FYCO1: variants seen among roughly 807,000 people sequenced by gnomAD.
FYCO1 encodes FYVE and coiled-coil domain-containing protein 1.
Under a neutral mutation model 165.1 loss-of-function variants are expected in FYCO1, and 122 were observed. That is an observed-to-expected ratio of 0.74 (90% confidence interval 0.64 to 0.86). The LOEUF (loss-of-function observed/expected upper bound fraction) is 0.86. Ranked by LOEUF, FYCO1 falls within the 40% of genes least tolerant of loss-of-function variation. The probability of loss-of-function intolerance (pLI) is 0.00; values close to 1 mark genes in which losing one functional copy is unlikely to be tolerated. For missense variants in FYCO1, 1,702 were observed against 1,810.3 expected, an observed-to-expected ratio of 0.94 and a Z score of 1.09; for synonymous variants, 648 against 742.5, an observed-to-expected ratio of 0.87 and a Z score of 2.07.
Position 45,921,344 on chromosome 3 carries a change from T to C in FYCO1, c.*421A>G. 3.3e-6 allele frequency: 1 copy of C among 306,318 alleles called. No homozygotes were observed. The highest frequency in any genetic ancestry group is 3.0e-5 in the South Asian group (1 of 32,872). The allele number at this position is 306,318 out of a possible 1,614,324, so 19.0% of individuals were successfully genotyped here. Reference sequence around the variant, plus strand: ...ACAGGGCATGGCCAGTGCACCCAGCTCAGTCTCCAACATGCAGGGCCCTGG... The same window carrying C: ...ACAGGGCATGGCCAGTGCACCCAGCCCAGTCTCCAACATGCAGGGCCCTGG... On this transcript the variant is annotated 3_prime_UTR_variant, in exon 18 of 18. Transcript: ENST00000296137.
Position 45,947,432 on chromosome 3 carries a change from A to G in FYCO1, c.3944+7817T>C, listed in dbSNP as rs775944730. 1.7e-5 allele frequency: 27 copies of G among 1,614,070 alleles called. No individual in the cohort carries two copies. In the East Asian group the frequency reaches 3.1e-4, roughly 19 times the overall value. On this transcript the variant is annotated intron_variant, in intron 14 of 17. Coordinates refer to ENST00000296137, the MANE Select transcript of FYCO1 (RefSeq NM_024513.4). ...TCCCTTACCTTGGGGTCTCACATCAATGGAAATCTTCTGAGGACAATTCCA... is the reference window on the plus strand; with the variant it reads ...TCCCTTACCTTGGGGTCTCACATCAGTGGAAATCTTCTGAGGACAATTCCA...
Position 45,964,596 on chromosome 3 carries a change from T to A in FYCO1, c.3151-142A>T. On this transcript the variant is annotated intron_variant, in intron 9 of 17. Coordinates refer to ENST00000296137, the MANE Select transcript of FYCO1 (RefSeq NM_024513.4). The surrounding 1 kb of genome is among the most constrained non-coding windows in gnomAD (Gnocchi z 4.1). ...GTTTCCTATTAAGTTCAAGAGGCCA[T>A]GAACCTCTGCTCTATATTTGTGGGG... The A allele has an allele frequency of 6.6e-7, 1 of 1,507,968 alleles. No individual in the cohort carries two copies. Among genetic ancestry groups the A allele is most frequent in the Non-Finnish European group, 8.9e-7 (1 of 1,122,570 alleles). The allele number at this position is 1,507,968 out of a possible 1,614,324, so 93.4% of individuals were successfully genotyped here.
intron 13 of FYCO1, among the ~76,000 whole-genome samples, chr3:45,956,869 T>C (rs1705360154): frequency 1.3e-5 from 2 of 151,928 alleles, no homozygotes; most frequent in Non-Finnish European, 2.9e-5. Context: ...ATCACCAGGA[T>C]TTTTTGTAGA....
intron 17 of FYCO1, among the ~76,000 whole-genome samples, chr3:45,923,318 G>A (rs1055263428): frequency 6.6e-6 from 1 of 152,192 alleles, no homozygotes; most frequent in Non-Finnish European, 1.5e-5. Context: ...AGAGCAGTGG[G>A]AATCAATATC....
chr3:45,963,202 C>T (rs1424951744), intron 10 of FYCO1, among the ~76,000 whole-genome samples: 1 of 152,044 alleles, frequency 6.6e-6, no homozygotes, highest in Non-Finnish European at 1.5e-5. Context: ...TGCACCCACA[C>T]ACACAGGCAG....
intron 16 of FYCO1, among the ~76,000 whole-genome samples, chr3:45,925,893 T>C (rs1703299575): frequency 6.6e-6 from 1 of 152,146 alleles, no homozygotes; most frequent in Non-Finnish European, 1.5e-5. Flanking sequence ...AGACAACATA[T>C]TTAAAGGCAT....
chr3:45,994,895 A>AT (rs71619620), intron 1 of FYCO1, among the ~76,000 whole-genome samples: 13,431 of 151,360 alleles, frequency 0.089, 985 homozygotes, highest in South Asian at 0.34. Flanking sequence ...CAAGTGTTCT[A>AT]TTTTTTTTTC....
chr3:45,967,393 C>T lies in FYCO1; in HGVS notation c.1941G>A (p.Gln647=), dbSNP rs781575555. 1.1e-5 allele frequency: 18 copies of T among 1,611,956 alleles called. No individual in the cohort carries two copies. The Admixed American group carries it at 1.7e-4, about 15-fold the overall frequency. Residue 647 remains glutamine (Q), a synonymous_variant, in exon 8 of 18, where the codon CAG becomes CAA. Coordinates refer to ENST00000296137, the MANE Select transcript of FYCO1 (RefSeq NM_024513.4). Reference sequence around the variant, plus strand: ...TGGCTGATTCCCGCTGCTGCAAAGCCTGGTAATCGGCCTGCAGGGCTTGCA... The same window carrying T: ...TGGCTGATTCCCGCTGCTGCAAAGCTTGGTAATCGGCCTGCAGGGCTTGCA... The part of the protein sequence containing the change: ...GKLQALQADY[Q]ALQQRESAIQ...
chr3:45,953,477 C>G (rs552657344), intron 14 of FYCO1, among the ~76,000 whole-genome samples: 28 of 152,296 alleles, frequency 1.8e-4, no homozygotes, highest in African/African-American at 6.3e-4. Context: ...GTCATAAACT[C>G]TTGACATTTT....
intron 1 of FYCO1, among the ~76,000 whole-genome samples, chr3:45,987,383 G>A (rs185673312): frequency 1.2e-4 from 19 of 152,126 alleles, no homozygotes; most frequent in Admixed American, 1.2e-3. Flanking sequence ...CACAAAAAAG[G>A]AGCATTGGGA....
At chr3:45,989,908 T>C (rs1707489168) in intron 1 of FYCO1, among the ~76,000 whole-genome samples, 1 of 152,172 alleles carries the variant, frequency 6.6e-6, no homozygotes, top group East Asian at 1.9e-4. Flanking sequence ...ACCTCTGTAC[T>C]TGACGCTGTG....
intron 16 of FYCO1, among the ~76,000 whole-genome samples, chr3:45,929,065 G>A (rs1703465149): frequency 6.6e-6 from 1 of 152,246 alleles, no homozygotes; most frequent in Non-Finnish European, 1.5e-5. Flanking sequence ...GTGCACTCGG[G>A]GAGTCCCCGG....
chr3:45,954,062 C>A (rs142055939), intron 14 of FYCO1, among the ~76,000 whole-genome samples: 2 of 152,212 alleles, frequency 1.3e-5, no homozygotes, highest in African/African-American at 4.8e-5. Context: ...CTCACTGTTG[C>A]CTCTGTGACT....
chr3:45,976,154 T>C (rs546630562), intron 4 of FYCO1, among the ~76,000 whole-genome samples: 3 of 152,276 alleles, frequency 2.0e-5, no homozygotes, highest in African/African-American at 4.8e-5. Context: ...ATGGATGGCA[T>C]AGGAAGGCCC....
Position 45,964,436 on chromosome 3 carries a change from C to T in FYCO1, c.3169G>A (p.Gly1057Arg). 1 of 1,614,040 alleles carries T rather than the reference C, an allele frequency of 6.2e-7. No homozygotes were observed. Among genetic ancestry groups the T allele is most frequent in the African/African-American group, 1.3e-5 (1 of 75,044 alleles). The change falls in exon 10 of 18, where the codon GGA (glycine) becomes AGA (arginine). Residue 1057 changes from glycine to arginine, a missense_variant. Gly to Arg is a moderately radical substitution (Grantham distance 125). Transcript: ENST00000296137. This position sits in a 1 kb window ranked among gnomAD's most constrained non-coding sequence, Gnocchi z 4.1. ...EKLKATQADM[G>R]EKLSCTSNHL... ...TTGCTAGTGCAGCTCAGCTTCTCTC[C>T]CATGTCTGCTTGGGTGGCCTGGCAC...
intron 1 of FYCO1, among the ~76,000 whole-genome samples, chr3:45,987,499 T>C (rs1707367256): frequency 6.6e-6 from 1 of 152,092 alleles, no homozygotes; most frequent in African/African-American, 2.4e-5. Flanking sequence ...GCCTAAAAAG[T>C]GAACAGGCAG....
At position 45,967,522 on chromosome 3, in the gene FYCO1, C is replaced by T; in HGVS notation, c.1812G>A (p.Lys604=). The T allele has an allele frequency of 6.2e-7, 1 of 1,613,844 alleles. No homozygotes were observed. Among genetic ancestry groups the T allele is most frequent in the East Asian group, 2.2e-5 (1 of 44,870 alleles). Residue 604 remains lysine (K), a synonymous_variant, in exon 8 of 18, where the codon AAG becomes AAA. Transcript: ENST00000296137. ...CTTCCTCCTGGCTGCCCTCTTGCAC[C>T]TTGGTATCGTCTAACTGTGCCTCCT... ...GLQEAQLDDT[K]VQEGSQEEEL...
intron 3 of FYCO1, among the ~76,000 whole-genome samples, chr3:45,980,925 G>C (rs1375158105): frequency 1.3e-5 from 2 of 152,192 alleles, no homozygotes; most frequent in Non-Finnish European, 2.9e-5. Context: ...CACATCTGCA[G>C]TGTTTTTTAC....
chr3:45,984,842 G>A lies in FYCO1; in HGVS notation c.55+14C>T. On this transcript the variant is annotated intron_variant, in intron 2 of 17. Transcript: ENST00000296137. Reference sequence around the variant, plus strand: ...CTCAAAACCAAACTCAGCCTGCCCAGCAACCTACCATACCTTGCAAGTCTC... The same window carrying A: ...CTCAAAACCAAACTCAGCCTGCCCAACAACCTACCATACCTTGCAAGTCTC... 6.2e-7 allele frequency: 1 copy of A among 1,614,118 alleles called. No homozygotes were observed. The highest frequency in any genetic ancestry group is 8.5e-7 in the Non-Finnish European group (1 of 1,179,972).
Sources: gnomAD v4.1 joint callset for allele counts (sites outside exome capture counted in the v4.1 genomes callset) on GRCh38, gnomAD v4.1.1 for gene constraint, Gnocchi (gnomAD v3.1) non-coding constraint, MANE v1.5 for transcripts, NCBI Gene and HGNC (gene_info 2026-07-23, HGNC 2026-07-21) for gene names.